The following KIAA2012 variants were observed in gnomAD, a reference collection of about 807,000 sequenced individuals.
KIAA2012 encodes uncharacterized protein KIAA2012.
In KIAA2012, 125 loss-of-function variants were observed where a neutral mutation model predicts 150.6. That is an observed-to-expected ratio of 0.83 (90% CI 0.72 to 0.96). KIAA2012 has a LOEUF of 0.96. Among genes scored for constraint, KIAA2012 ranks in the 40% least tolerant of loss-of-function variants. The pLI, the probability that KIAA2012 is intolerant of heterozygous loss-of-function variation, is 0.00. For synonymous variants in KIAA2012, 462 were observed against 504.7 expected, an observed-to-expected ratio of 0.92 and a Z score of 1.13; for missense variants, 1,219 against 1,354.9, an observed-to-expected ratio of 0.90 and a Z score of 1.57.
chr2:202,113,695 G>A, intron 11 of KIAA2012: 1 of 480,468 alleles, frequency 2.1e-6, no homozygotes, highest in South Asian at 2.5e-5. Context: ...CTTGGAAGAG[G>A]TCTAATGTGC....
chr2:202,111,223 G>A (rs541476707), intron 10 of KIAA2012, among the ~76,000 whole-genome samples: 6 of 151,888 alleles, frequency 4.0e-5, no homozygotes, highest in Non-Finnish European at 8.8e-5. Flanking sequence ...GTGGCTGGGC[G>A]TGGTGGCTCA....
In KIAA2012 at chr2:202,104,211, G is replaced by C. The variant is rs1283425359; in HGVS notation, c.1324+1097G>C. On this transcript the variant is annotated intron_variant, in intron 8 of 23. Transcript: ENST00000498697. This position sits in a 1 kb window ranked among gnomAD's most constrained non-coding sequence, Gnocchi z 4.3. ...TAGATTTGTCAAAACTCATTGAACT[G>C]TGCACTTAAGATCTGTGCGATTCAC... Among the ~76,000 whole-genome samples, 1 of 152,134 alleles carries C rather than the reference G, an allele frequency of 6.6e-6. No individual in the cohort carries two copies. The highest frequency in any genetic ancestry group is 1.5e-5 in the Non-Finnish European group (1 of 68,028).
intron 22 of KIAA2012, among the ~76,000 whole-genome samples, chr2:202,198,015 AAT>A (rs1386423582): frequency 1.3e-5 from 2 of 151,814 alleles, no homozygotes; most frequent in Admixed American, 1.3e-4. Flanking sequence ...CTCTACTAAA[AAT>A]ACAAAAAGCA....
chr2:202,159,333 T>C (rs1322356779), intron 14 of KIAA2012, among the ~76,000 whole-genome samples: 4 of 151,158 alleles, frequency 2.6e-5, no homozygotes, highest in Non-Finnish European at 5.9e-5. Flanking sequence ...CCAGGACACT[T>C]GAATAATATT....
At chr2:202,153,984 T>C (rs1051043495) in intron 13 of KIAA2012, among the ~76,000 whole-genome samples, 111 of 152,098 alleles carry the variant, frequency 7.3e-4, no homozygotes, top group Non-Finnish European at 1.3e-4. Flanking sequence ...CAGGTTGCAA[T>C]GTGGGGCATG....
At chr2:202,122,499 T>A (rs972437351) in intron 11 of KIAA2012, among the ~76,000 whole-genome samples, 1 of 31,038 alleles carries the variant, frequency 3.2e-5, no homozygotes, top group Non-Finnish European at 4.9e-5. Flanking sequence ...AAATCCGCTC[T>A]TTTTTTTTTT....
Position 202,194,115 on chromosome 2 carries a change from A to C in KIAA2012, c.3015-75A>C, listed in dbSNP as rs530791840. On this transcript the variant is annotated intron_variant, in intron 20 of 23. Coordinates refer to ENST00000498697, the MANE Select transcript of KIAA2012 (RefSeq NM_001277372.4). Reference sequence around the variant, plus strand: ...GGGCTGCAGAGCCTCCCCCATGGGCACTGTCTGTTGGCTCATCTCACAAGG... The same window carrying C: ...GGGCTGCAGAGCCTCCCCCATGGGCCCTGTCTGTTGGCTCATCTCACAAGG... The C allele has an allele frequency of 3.4e-6, 5 of 1,486,088 alleles. No homozygotes were observed. The East Asian group carries it at 1.2e-4, about 37-fold the overall frequency. The allele number at this position is 1,486,088 out of a possible 1,614,324, so 92.1% of individuals were successfully genotyped here.
intron 15 of KIAA2012, among the ~76,000 whole-genome samples, chr2:202,180,781 C>T (rs1692102476): frequency 6.6e-6 from 1 of 152,118 alleles, no homozygotes; most frequent in Non-Finnish European, 1.5e-5. Flanking sequence ...GCCGAGATCG[C>T]ACCACTGCAC....
chr2:202,102,326 A>T (rs931265437), intron 7 of KIAA2012, among the ~76,000 whole-genome samples: 2 of 152,248 alleles, frequency 1.3e-5, no homozygotes, highest in African/African-American at 4.8e-5. Context: ...TAGTGGCTAG[A>T]TAAATGCTAA....
intron 2 of KIAA2012, chr2:202,076,886 C>G: frequency 2.3e-6 from 1 of 442,160 alleles, no homozygotes; most frequent in South Asian, 1.6e-5. Context: ...AGGTTGACCA[C>G]AGGCTATATA....
chr2:202,117,018 C>T (rs576467262), intron 11 of KIAA2012: 1 of 152,294 alleles, frequency 6.6e-6, no homozygotes, highest in Non-Finnish European at 1.5e-5. Context: ...GTGGGAGTTG[C>T]CTTGAGAGGA....
At chr2:202,124,867 G>A (rs556634624) in intron 11 of KIAA2012, among the ~76,000 whole-genome samples, 206 of 152,210 alleles carry the variant, frequency 1.4e-3, no homozygotes, top group African/African-American at 4.6e-3. Context: ...GTCGGGAGTC[G>A]AGACCAGCTT....
At chr2:202,098,090 T>C (rs965088981) in intron 5 of KIAA2012, among the ~76,000 whole-genome samples, 7 of 152,330 alleles carry the variant, frequency 4.6e-5, no homozygotes, top group African/African-American at 1.4e-4. Context: ...CTGGGTGTGG[T>C]GGCTCACGCC....
intron 15 of KIAA2012, among the ~76,000 whole-genome samples, chr2:202,168,145 G>A (rs1361049682): frequency 6.6e-6 from 1 of 152,092 alleles, no homozygotes; most frequent in African/African-American, 2.4e-5. Flanking sequence ...ATAGGGCCAG[G>A]CATGGTGGCT....
At chr2:202,170,821 C>CT (rs1428232506) in intron 15 of KIAA2012, among the ~76,000 whole-genome samples, 3 of 152,196 alleles carry the variant, frequency 2.0e-5, no homozygotes, top group African/African-American at 7.2e-5. Context: ...AGTTCACACT[C>CT]CCTGTGTGCC....
intron 2 of KIAA2012, among the ~76,000 whole-genome samples, chr2:202,087,988 C>T (rs956652897): frequency 1.4e-5 from 2 of 142,882 alleles, no homozygotes; most frequent in East Asian, 4.0e-4. Flanking sequence ...AAAAAAATAA[C>T]AATCCAAACC....
chr2:202,193,065 A>G (rs71425922), intron 19 of KIAA2012, among the ~76,000 whole-genome samples: 1 of 152,126 alleles, frequency 6.6e-6, no homozygotes. Context: ...AATATCGGGA[A>G]GTTTAAGTTG....
intron 2 of KIAA2012, among the ~76,000 whole-genome samples, chr2:202,088,250 A>G (rs1375137990): frequency 6.6e-6 from 1 of 152,180 alleles, no homozygotes; most frequent in African/African-American, 2.4e-5. Flanking sequence ...CTGACAAAAA[A>G]TTGGGACTCT....
chr2:202,165,476 CT>C, intron 15 of KIAA2012, 120 bp downstream of exon 15: 1 of 924,774 alleles, frequency 1.1e-6, no homozygotes, highest in Non-Finnish European at 1.6e-6. Context: ...AGTCCCAGCA[CT>C]TTGTGAGGCC....
Sources: gnomAD v4.1 joint callset for allele counts (sites outside exome capture counted in the v4.1 genomes callset) on GRCh38, gnomAD v4.1.1 for gene constraint, Gnocchi (gnomAD v3.1) non-coding constraint, MANE v1.5 for transcripts, NCBI Gene and HGNC (gene_info 2026-07-23, HGNC 2026-07-21) for gene names.